Variants in GATA4 observed in about 807,000 individuals in gnomAD.
GATA4 encodes transcription factor GATA-4.
Under a neutral mutation model 37.9 loss-of-function variants are expected in GATA4, and 7 were observed. The ratio of observed to expected loss-of-function variants is 0.18; its 90% CI spans 0.11 to 0.35. GATA4 has a LOEUF of 0.35. Ranked by LOEUF, GATA4 falls within the 10% of genes least tolerant of loss-of-function variation. The pLI is 1.00. For missense variants in GATA4, 647 were observed against 653.0 expected, an observed-to-expected ratio of 0.99 and a Z score of 0.10; for synonymous variants, 372 against 292.6, an observed-to-expected ratio of 1.27 and a Z score of -2.77.
chr8:11,692,751 C>T (rs1799358402), intron 1 of GATA4: 8 of 982,738 alleles, frequency 8.1e-6, no homozygotes, highest in Non-Finnish European at 8.5e-6. Context: ...CGCGAGGGCG[C>T]GGACGGACGG....
At chr8:11,726,967 C>G (rs35558975) in intron 2 of GATA4, among the ~76,000 whole-genome samples, 42,508 of 152,002 alleles carry the variant, frequency 0.28, 7,754 homozygotes, top group Non-Finnish European at 0.42. Flanking sequence ...TGCCTCAGCC[C>G]ACTGTTTTTC....
Position 11,708,123 on chromosome 8 carries a change from C to A in GATA4, c.-190C>A. 1 of 718,820 alleles carries A rather than the reference C, an allele frequency of 1.4e-6. No individual in the cohort carries two copies. Among genetic ancestry groups the A allele is most frequent in the Admixed American group, 2.0e-5 (1 of 49,012 alleles). The allele number at this position is 718,820 out of a possible 1,614,324, so 44.5% of individuals were successfully genotyped here. A position where few individuals can be genotyped will look rare whatever the true frequency, so the allele number is the denominator to read the frequency against. On this transcript the variant is annotated 5_prime_UTR_variant, in exon 2 of 7. Transcript: ENST00000532059. This position sits in a 1 kb window ranked among gnomAD's most constrained non-coding sequence, Gnocchi z 6.7. ...TTCCGGAGTAAACAAGAGCCTAGAGCCCTTTGCTCAATGCTGGATTTAATA... is the reference window on the plus strand; with the variant it reads ...TTCCGGAGTAAACAAGAGCCTAGAGACCTTTGCTCAATGCTGGATTTAATA...
chr8:11,733,532 T>G (rs1291497415), intron 2 of GATA4, among the ~76,000 whole-genome samples: 1 of 152,218 alleles, frequency 6.6e-6, no homozygotes, highest in Admixed American at 6.5e-5. Flanking sequence ...ATAAAAAGAT[T>G]GGCATTAGCA....
chr8:11,749,157 G>A lies in GATA4; in HGVS notation c.786+72G>A, dbSNP rs1802174584. The stretch of plus-strand genomic sequence containing the variant: ...TCTCGCCTTGGTGGGACATCCTCTG[G>A]TTTTGAATTTTGGAACTTGAGGGTG... On this transcript the variant is annotated intron_variant, in intron 3 of 6. Transcript: ENST00000532059. This position sits in a 1 kb window ranked among gnomAD's most constrained non-coding sequence, Gnocchi z 4.6. The A allele has an allele frequency of 2.0e-6, 3 of 1,526,270 alleles. No individual in the cohort carries two copies. The South Asian group carries it at 3.4e-5, about 18-fold the overall frequency. The allele number at this position is 1,526,270 out of a possible 1,614,324, so 94.5% of individuals were successfully genotyped here.
chr8:11,699,952 A>G (rs1452546451), upstream of GATA4, among the ~76,000 whole-genome samples: 3 of 152,216 alleles, frequency 2.0e-5, no homozygotes, highest in Non-Finnish European at 4.4e-5. Context: ...GAAAGTCGAT[A>G]TTAAATAGAA....
At chr8:11,679,129 G>A (rs4840575) in intron 1 of GATA4, among the ~76,000 whole-genome samples, 12 of 144,826 alleles carry the variant, frequency 8.3e-5, no homozygotes, top group African/African-American at 3.0e-4. Context: ...ATCTCCAATT[G>A]TCTAAACACT....
chr8:11,743,865 A>G (rs1171535669), intron 2 of GATA4, among the ~76,000 whole-genome samples: 3 of 152,178 alleles, frequency 2.0e-5, no homozygotes, highest in Admixed American at 6.5e-5. Context: ...AAATCAGACT[A>G]TCAGACTTTG....
chr8:11,720,044 G>C (rs967042326), intron 2 of GATA4, among the ~76,000 whole-genome samples: 1 of 152,042 alleles, frequency 6.6e-6, no homozygotes, highest in Non-Finnish European at 1.5e-5. Context: ...CAAGATCCCA[G>C]CAGCCGCAGG....
intron 1 of GATA4, among the ~76,000 whole-genome samples, chr8:11,682,800 T>G (rs1799013676): frequency 6.6e-6 from 1 of 152,176 alleles, no homozygotes; most frequent in Non-Finnish European, 1.5e-5. Flanking sequence ...AAAACACCTC[T>G]TGGCCGTGGC....
At chr8:11,731,582 G>A (rs911057672) in intron 2 of GATA4, among the ~76,000 whole-genome samples, 1 of 152,224 alleles carries the variant, frequency 6.6e-6, no homozygotes, top group Non-Finnish European at 1.5e-5. Context: ...GGCCAGGATC[G>A]GGGTGCGGGA....
At chr8:11,725,215 C>T (rs1234888557) in intron 2 of GATA4, among the ~76,000 whole-genome samples, 1 of 152,262 alleles carries the variant, frequency 6.6e-6, no homozygotes, top group African/African-American at 2.4e-5. Flanking sequence ...TGGCCCAGGC[C>T]AATGTCATCA....
intron 1 of GATA4, among the ~76,000 whole-genome samples, chr8:11,678,651 G>A (rs1361953568): frequency 6.6e-6 from 1 of 152,230 alleles, no homozygotes; most frequent in Non-Finnish European, 1.5e-5. Context: ...TTTTTAAGTA[G>A]TAGTAGCAGT....
chr8:11,752,554 G>C (rs566060438), intron 4 of GATA4, among the ~76,000 whole-genome samples: 1 of 152,178 alleles, frequency 6.6e-6, no homozygotes, highest in Non-Finnish European at 1.5e-5. Context: ...CCATCAGGTC[G>C]GTCCCACAAC....
chr8:11,739,786 G>A (rs1801639388), intron 2 of GATA4, among the ~76,000 whole-genome samples: 1 of 152,156 alleles, frequency 6.6e-6, no homozygotes, highest in Non-Finnish European at 1.5e-5. Context: ...TCTGTCGTGT[G>A]CGGAAGGCGA....
chr8:11,708,244 C>G lies in GATA4; in HGVS notation c.-69C>G. The G allele has an allele frequency of 6.6e-7, 1 of 1,513,692 alleles. No individual in the cohort carries two copies. Among genetic ancestry groups the G allele is most frequent in the Non-Finnish European group, 8.9e-7 (1 of 1,129,126 alleles). 93.8% of individuals were successfully genotyped at this position (1,513,692 alleles called of 1,614,324 possible). A position where few individuals can be genotyped will look rare whatever the true frequency, so the allele number is the denominator to read the frequency against. On this transcript the variant is annotated 5_prime_UTR_variant, in exon 2 of 7. Transcript: ENST00000532059. This position sits in a 1 kb window ranked among gnomAD's most constrained non-coding sequence, Gnocchi z 6.7. ...ATATTATCGTTGTTGCCGTCGTTTT[C>G]TCTCCCCGCGTGGCTCCTTGACCTG...
intron 2 of GATA4, among the ~76,000 whole-genome samples, chr8:11,726,083 C>T (rs1038005171): frequency 6.6e-6 from 1 of 152,242 alleles, no homozygotes; most frequent in African/African-American, 2.4e-5. Flanking sequence ...GGAATACCAT[C>T]ACCTGGTACA....
chr8:11,746,466 A>T (rs1185518970), intron 2 of GATA4, among the ~76,000 whole-genome samples: 1 of 152,200 alleles, frequency 6.6e-6, no homozygotes, highest in Non-Finnish European at 1.5e-5. Flanking sequence ...TCCAAGTGCG[A>T]TTCAGGCTAG....
chr8:11,685,640 C>T (rs1462010310), intron 1 of GATA4, among the ~76,000 whole-genome samples: 1 of 152,194 alleles, frequency 6.6e-6, no homozygotes, highest in Non-Finnish European at 1.5e-5. Flanking sequence ...GTGATTTTTC[C>T]ACAAGGAAGA....
intron 1 of GATA4, chr8:11,697,699 TG>T: frequency 1.0e-6 from 1 of 985,422 alleles, no homozygotes. Flanking sequence ...TTTTCGCACT[TG>T]GGCTTCGCGC....
Sources: gnomAD v4.1 joint callset for allele counts (sites outside exome capture counted in the v4.1 genomes callset) on GRCh38, gnomAD v4.1.1 for gene constraint, Gnocchi (gnomAD v3.1) non-coding constraint, MANE v1.5 for transcripts, NCBI Gene and HGNC (gene_info 2026-07-23, HGNC 2026-07-21) for gene names.